Variants in NOTCH3 observed in about 807,000 individuals in gnomAD.
NOTCH3 encodes the protein notch receptor 3.
A neutral mutation model predicts 213.3 loss-of-function variants in NOTCH3; 86 were observed. That is an observed-to-expected ratio of 0.40 (90% CI 0.34 to 0.48). NOTCH3 has a LOEUF of 0.48. Among genes scored for constraint, NOTCH3 ranks in the 20% least tolerant of loss-of-function variants. The pLI is 0.57. For missense variants in NOTCH3, 2,783 were observed against 3,272.6 expected (o/e 0.85, Z 3.65); for synonymous variants, 1,354 against 1,355.9 (o/e 1.00, Z 0.03).
chr19:15,194,354 A>C (rs1290707301), intron 2 of NOTCH3, among the ~76,000 whole-genome samples: 1 of 152,192 alleles, frequency 6.6e-6, no homozygotes, highest in Non-Finnish European at 1.5e-5. Context: ...AAACGTCTGG[A>C]GCCACCAGAA....
At chr19:15,199,542 G>A (rs1484924442) in intron 1 of NOTCH3, among the ~76,000 whole-genome samples, 1 of 152,058 alleles carries the variant, frequency 6.6e-6, no homozygotes, top group Non-Finnish European at 1.5e-5. Context: ...GATCATATTT[G>A]TGTGTGTATG....
At chr19:15,197,606 A>G (rs900770747) in intron 1 of NOTCH3, 28 bp from the exon 2 acceptor site, 4 of 1,605,914 alleles carry the variant, frequency 2.5e-6, no homozygotes, top group African/African-American at 2.7e-5. Flanking sequence ...AAGGTGGAGG[A>G]TCAGCCAGGT....
chr19:15,193,596 T>C (rs1488592214), intron 2 of NOTCH3, among the ~76,000 whole-genome samples: 2 of 151,572 alleles, frequency 1.3e-5, no homozygotes, highest in Non-Finnish European at 2.9e-5. Flanking sequence ...GGGAGACTTT[T>C]TTTCCACAAA....
Position 15,159,211 on chromosome 19 carries a change from T to A in NOTCH3, c.*1451A>T, listed in dbSNP as rs1014514640. 2.0e-5 allele frequency: 3 copies of A among 152,312 alleles called. No individual in the cohort carries two copies. The highest frequency in any genetic ancestry group is 4.4e-5 in the Non-Finnish European group (3 of 68,116). 9.4% of individuals were successfully genotyped at this position (152,312 alleles called of 1,614,324 possible). ...CACTCAATTAACTGGAATTGATAAC[T>A]GCACTGGGAGCCGAGATAACCCCCC... is the stretch of plus-strand genomic sequence containing the variant. On this transcript the variant is annotated 3_prime_UTR_variant, in exon 33 of 33. Coordinates refer to ENST00000263388, the MANE Select transcript of NOTCH3 (RefSeq NM_000435.3).
rs1318509461 is a variant in NOTCH3, at chr19:15,174,373, G to A, written c.4431C>T (p.Asp1477=). Residue 1477 remains aspartate, a synonymous_variant, in exon 25 of 33, where the codon GAC becomes GAT. Transcript: ENST00000263388. ...CNPVYEKYCA[D]HFADGRCDQG... ...GGTCGCAGCGGCCGTCGGCAAAGTG[G>A]TCGGCGCAGTACTTCTCGTACACCG... 1 of 1,543,308 alleles carries A rather than the reference G, an allele frequency of 6.5e-7. No homozygotes were observed. Among genetic ancestry groups the A allele is most frequent in the African/African-American group, 1.4e-5 (1 of 73,030 alleles).
Position 15,173,063 on chromosome 19 carries a change from T to TTCCTCTTCC in NOTCH3, c.4736+1004_4736+1005insGGAAGAGGA, listed in dbSNP as rs1568351234. Among the ~76,000 whole-genome samples, 14 of 1,946 alleles carry TTCCTCTTCC rather than the reference T, an allele frequency of 7.2e-3. 2 individuals carry two copies. Among genetic ancestry groups the TTCCTCTTCC allele is most frequent in the South Asian group, 0.022 (1 of 46 alleles). 1.3% of individuals were successfully genotyped at this position (1,946 alleles called of 152,430 possible). On this transcript the variant is annotated intron_variant, in intron 25 of 32. Transcript: ENST00000263388. The stretch of plus-strand genomic sequence containing the variant: ...TCCCCCTCCCTCCTCCCTCTTCTTC[T>TTCCTCTTCC]TCTTCTTCTTCTTCTTCTTCTTCTT...
chr19:15,180,851 C>G (rs760810450), intron 18 of NOTCH3, 23 bp from the exon 19 acceptor site: 2 of 1,611,874 alleles, frequency 1.2e-6, no homozygotes, highest in Non-Finnish European at 1.7e-6. Context: ...CACTCAGAGT[C>G]AGTACTGTGG....
intron 2 of NOTCH3, among the ~76,000 whole-genome samples, chr19:15,196,379 G>A (rs890282581): frequency 2.0e-5 from 3 of 151,986 alleles, no homozygotes; most frequent in African/African-American, 7.3e-5. Flanking sequence ...CCAGCCCCAG[G>A]AAACCCTCTC....
intron 15 of NOTCH3, 81 bp from the exon 16 acceptor site, chr19:15,184,531 T>C: frequency 7.0e-7 from 1 of 1,432,050 alleles, no homozygotes; most frequent in Non-Finnish European, 9.8e-7. Context: ...AGGAAGAACC[T>C]GCAGGCCGAG....
At chr19:15,167,006 A>G (rs189050135) in intron 29 of NOTCH3, among the ~76,000 whole-genome samples, 86 of 152,314 alleles carry the variant, frequency 5.6e-4, no homozygotes, top group Non-Finnish European at 1.1e-3. Flanking sequence ...TAGAGAGGGG[A>G]AAACTGAGTC....
chr19:15,170,900 C>T, intron 25 of NOTCH3, 75 bp from the exon 26 acceptor site: 1 of 1,525,532 alleles, frequency 6.6e-7, no homozygotes, highest in Non-Finnish European at 8.9e-7. Flanking sequence ...GCCCCACTTT[C>T]CCTCCCCAGC....
intron 24 of NOTCH3, among the ~76,000 whole-genome samples, chr19:15,176,916 CA>C (rs1454191058): frequency 4.0e-5 from 6 of 148,474 alleles, no homozygotes; most frequent in South Asian, 2.1e-4. Flanking sequence ...ACTAAAAATA[CA>C]AAAAAAAAGC....
At position 15,174,100 on chromosome 19, in the gene NOTCH3, C is replaced by G. The variant is rs2046766097; in HGVS notation, c.4704G>C (p.Arg1568=). Residue 1568 remains arginine (R), a synonymous_variant, in exon 25 of 33, where the codon CGG becomes CGC. Coordinates refer to ENST00000263388, the MANE Select transcript of NOTCH3 (RefSeq NM_000435.3). ...CCTCGGGGGCCAGCTCCCGACGGGC[C>G]CGGGGTTCGGAGCCAGGACTAGGCC... ...YHRPSPGSEP[R]ARRELAPEVI... The G allele has an allele frequency of 6.3e-7, 1 of 1,592,304 alleles. No individual in the cohort carries two copies. The highest frequency in any genetic ancestry group is 1.7e-5 in the Admixed American group (1 of 59,310).
At chr19:15,198,528 A>C (rs2046987063) in intron 1 of NOTCH3, among the ~76,000 whole-genome samples, 2 of 152,220 alleles carry the variant, frequency 1.3e-5, no homozygotes, top group Non-Finnish European at 2.9e-5. Context: ...AGGCTGGTGG[A>C]TCACCTGAGG....
chr19:15,162,182 A>G (rs2046650517), intron 32 of NOTCH3, among the ~76,000 whole-genome samples: 1 of 151,658 alleles, frequency 6.6e-6, no homozygotes, highest in African/African-American at 2.4e-5. Context: ...GGGTTTTACT[A>G]CGTTGGCCAG....
At chr19:15,199,384 G>A (rs1302163841) in intron 1 of NOTCH3, among the ~76,000 whole-genome samples, 1 of 152,182 alleles carries the variant, frequency 6.6e-6, no homozygotes, top group South Asian at 2.1e-4. Flanking sequence ...CTGTGTGTTG[G>A]TGTGACCTGT....
chr19:15,173,204 G>A lies in NOTCH3; in HGVS notation c.4736+864C>T, dbSNP rs367999351. On this transcript the variant is annotated intron_variant, in intron 25 of 32. Coordinates refer to ENST00000263388, the MANE Select transcript of NOTCH3 (RefSeq NM_000435.3). ...TGGGAGGCCGAGGCAGGTGGATCACGAAGTCAGGAGATCCAGACCATCCTG... is the reference window on the plus strand; with the variant it reads ...TGGGAGGCCGAGGCAGGTGGATCACAAAGTCAGGAGATCCAGACCATCCTG... 4.7e-4 allele frequency among the ~76,000 whole-genome samples: 67 copies of A among 142,920 alleles called. 1 individual carries two copies. The South Asian group carries it at 5.2e-3, about 11-fold the overall frequency. The allele number at this position is 142,920 out of a possible 152,430, so 93.8% of individuals were successfully genotyped here.
chr19:15,185,186 G>A lies in NOTCH3; in HGVS notation c.2296+71C>T. 2 of 1,562,042 alleles carry A rather than the reference G, an allele frequency of 1.3e-6. No individual in the cohort carries two copies. The highest frequency in any genetic ancestry group is 1.8e-6 in the Non-Finnish European group (2 of 1,134,688). ...AAGAAGCTAACATAGCGGGAGGAGA[G>A]AGTAGAGGAGAAGAGAGATGAGAAG... On this transcript the variant is annotated intron_variant, in intron 14 of 32. Transcript: ENST00000263388. This position sits in a 1 kb window ranked among gnomAD's most constrained non-coding sequence, Gnocchi z 4.2.
intron 2 of NOTCH3, among the ~76,000 whole-genome samples, chr19:15,196,443 T>C (rs1038850018): frequency 1.4e-5 from 2 of 147,730 alleles, no homozygotes; most frequent in African/African-American, 2.5e-5. Context: ...CCAGCCAAAA[T>C]AAATGTAGGT....
Sources: gnomAD v4.1 joint callset for allele counts (sites outside exome capture counted in the v4.1 genomes callset) on GRCh38, gnomAD v4.1.1 for gene constraint, Gnocchi (gnomAD v3.1) non-coding constraint, MANE v1.5 for transcripts, NCBI Gene and HGNC (gene_info 2026-07-23, HGNC 2026-07-21) for gene names.